WDR36: variants seen among roughly 807,000 people sequenced by gnomAD.
The protein encoded by WDR36 is WD repeat-containing protein 36.
WDR36 carries 63 observed loss-of-function variants against 112.7 expected under a neutral mutation model. The ratio of observed to expected loss-of-function variants is 0.56; its 90% CI spans 0.46 to 0.69. WDR36 has a LOEUF of 0.69. Among genes scored for constraint, WDR36 ranks in the 30% least tolerant of loss-of-function variants. The probability of loss-of-function intolerance (pLI) is 0.00; values close to 1 mark genes in which losing one functional copy is unlikely to be tolerated. For synonymous variants in WDR36, 410 were observed against 362.2 expected (o/e 1.13, Z -1.50); for missense variants, 1,226 against 1,070.3 (o/e 1.15, Z -2.03).
In WDR36 at chr5:111,105,308, T is replaced by C. The variant is rs1390461312; in HGVS notation, c.1041T>C (p.Thr347=). The C allele has an allele frequency of 6.2e-7, 1 of 1,610,032 alleles. No homozygotes were observed. Among genetic ancestry groups the C allele is most frequent in the South Asian group, 1.1e-5 (1 of 91,016 alleles). The change falls in exon 10 of 23, where the codon ACT becomes ACC. Residue 347 remains threonine, a synonymous_variant. Transcript: ENST00000513710. Reference sequence around the variant, plus strand: ...GTATATCAACAGGTCAAGATGGAACTCTTCAGTCATTTTCCACGGTACATG... The same window carrying C: ...GTATATCAACAGGTCAAGATGGAACCCTTCAGTCATTTTCCACGGTACATG... ...QQILSASQDG[T]LQSFSTVHEK...
intron 3 of WDR36, 87 bp from the exon 4 acceptor site, chr5:111,098,635 G>A: frequency 1.1e-6 from 1 of 910,642 alleles, no homozygotes; most frequent in Non-Finnish European, 1.8e-6. Context: ...AAGCATCTCA[G>A]GATTAGCATG....
chr5:111,110,583 A>G (rs745635242), intron 13 of WDR36, among the ~76,000 whole-genome samples: 2 of 151,494 alleles, frequency 1.3e-5, no homozygotes, highest in Non-Finnish European at 3.0e-5. Context: ...CCTATGTTGT[A>G]TCGATCTGAT....
chr5:111,107,169 TATCAG>T, intron 11 of WDR36, 120 bp from the exon 12 acceptor site: 2 of 1,047,042 alleles, frequency 1.9e-6, no homozygotes, highest in Non-Finnish European at 2.8e-6. Flanking sequence ...AACATATTGC[TATCAG>T]ATATTACCTG....
rs953477734 is a variant in WDR36, at chr5:111,106,022, A to G, written c.1094-35A>G. On this transcript the variant is annotated intron_variant, in intron 10 of 22. Coordinates refer to ENST00000513710, the MANE Select transcript of WDR36 (RefSeq NM_139281.3). ...ATACACTTTTTATTAAGAAGGATTC[A>G]TAGCTATGTATGTTCCCCTTTCCCC... 2.0e-6 allele frequency: 3 copies of G among 1,485,210 alleles called. No individual in the cohort carries two copies. In the African/African-American group the frequency reaches 4.2e-5, roughly 21 times the overall value. 92.0% of individuals were successfully genotyped at this position (1,485,210 alleles called of 1,614,324 possible).
At position 111,118,879 on chromosome 5, in the gene WDR36, C is replaced by T. The variant is rs778263527; in HGVS notation, c.1797-134C>T. The T allele has an allele frequency of 2.5e-4, 170 of 677,316 alleles. 1 individual carries two copies. The highest frequency in any genetic ancestry group is 3.9e-4 in the Non-Finnish European group (150 of 380,868). The allele number at this position is 677,316 out of a possible 1,614,324, so 42.0% of individuals were successfully genotyped here. On this transcript the variant is annotated intron_variant, in intron 16 of 22. Transcript: ENST00000513710. The stretch of plus-strand genomic sequence containing the variant: ...TGTTTATTAGTGGTGACTTTCTGAT[C>T]AATGCTGGTGATTAAAAAAAAGAAA...
In WDR36 at chr5:111,100,578, C is replaced by A. The variant is rs1753102452; in HGVS notation, c.410-11C>A. On this transcript the variant is annotated splice_polypyrimidine_tract_variant and intron_variant, in intron 4 of 22. Coordinates refer to ENST00000513710, the MANE Select transcript of WDR36 (RefSeq NM_139281.3). Reference sequence around the variant, plus strand: ...TTTTATAAAAAATATTTATAACTTTCACTTTTGTAGAAGAATACCTGCAGT... The same window carrying A: ...TTTTATAAAAAATATTTATAACTTTAACTTTTGTAGAAGAATACCTGCAGT... The A allele has an allele frequency of 1.3e-6, 2 of 1,502,196 alleles. No individual in the cohort carries two copies. The highest frequency in any genetic ancestry group is 2.4e-5 in the East Asian group (1 of 40,996). 93.1% of individuals were successfully genotyped at this position (1,502,196 alleles called of 1,614,324 possible).
intron 4 of WDR36, among the ~76,000 whole-genome samples, 200 bp downstream of exon 4, chr5:111,099,039 A>G (rs961094292): frequency 6.6e-6 from 1 of 152,194 alleles, no homozygotes; most frequent in East Asian, 1.9e-4. Flanking sequence ...CTACTTATAA[A>G]CTGTTTAATG....
chr5:111,127,207 C>T lies in WDR36; in HGVS notation c.*324C>T, dbSNP rs946335504. ...AGTTAAAAAAATAAATTACACCTGC[C>T]TTTTGTTTTGAAGACTTAAAGAATC... On this transcript the variant is annotated 3_prime_UTR_variant, in exon 23 of 23. Transcript: ENST00000513710. The T allele has an allele frequency of 1.2e-5, 3 of 241,812 alleles. No individual in the cohort carries two copies. The highest frequency in any genetic ancestry group is 2.2e-5 in the African/African-American group (1 of 45,206). The allele number at this position is 241,812 out of a possible 1,614,324, so 15.0% of individuals were successfully genotyped here.
intron 2 of WDR36, among the ~76,000 whole-genome samples, chr5:111,096,514 T>C (rs1015093001): frequency 6.6e-6 from 1 of 151,974 alleles, no homozygotes; most frequent in African/African-American, 2.4e-5. Context: ...GACCAGCCTG[T>C]CTAACATGGC....
intron 15 of WDR36, 77 bp from the exon 16 acceptor site, chr5:111,112,997 A>G (rs546127152): frequency 3.2e-6 from 1 of 311,432 alleles, no homozygotes; most frequent in Non-Finnish European, 5.1e-6. Flanking sequence ...ACATACACAC[A>G]TACATACAAA....
At position 111,113,052 on chromosome 5, in the gene WDR36, A is replaced by ATATATAT. The variant is rs35527062; in HGVS notation, c.1717-21_1717-20insATATATT. ...ATATAAATAATATATATATATATAT[A>ATATATAT]TTTTTTTTTTTTAATTTAAAGGCTT... On this transcript the variant is annotated intron_variant, in intron 15 of 22. Transcript: ENST00000513710. 1,298 of 473,056 alleles carry ATATATAT rather than the reference A, an allele frequency of 2.7e-3. 7 individuals are homozygous for ATATATAT. Among genetic ancestry groups the ATATATAT allele is most frequent in the Non-Finnish European group, 3.1e-3 (1,017 of 326,716 alleles). The allele number at this position is 473,056 out of a possible 1,614,324, so 29.3% of individuals were successfully genotyped here.
chr5:111,119,562 A>G (rs1478439024), intron 17 of WDR36, among the ~76,000 whole-genome samples: 2 of 152,160 alleles, frequency 1.3e-5, no homozygotes, highest in African/African-American at 4.8e-5. Flanking sequence ...CATGACTTTT[A>G]TAACCGTGTA....
chr5:111,103,122 T>A (rs1381714957), intron 6 of WDR36, among the ~76,000 whole-genome samples: 6 of 151,690 alleles, frequency 4.0e-5, no homozygotes, highest in African/African-American at 1.2e-4. Flanking sequence ...CTACACAGGG[T>A]CTCATGCATA....
At chr5:111,092,762 C>A in intron 1 of WDR36, 144 bp downstream of exon 1, 2 of 1,130,278 alleles carry the variant, frequency 1.8e-6, no homozygotes, top group Non-Finnish European at 2.6e-6. Context: ...ATTTCGCCAT[C>A]CGGTCACGTC....
chr5:111,118,986 C>T, intron 16 of WDR36, 27 bp from the exon 17 acceptor site: 2 of 1,570,362 alleles, frequency 1.3e-6, no homozygotes, highest in Non-Finnish European at 1.8e-6. Context: ...AGTTCAAATA[C>T]TTTTAACATG....
chr5:111,093,210 C>G (rs138660915), intron 1 of WDR36, among the ~76,000 whole-genome samples: 2 of 152,306 alleles, frequency 1.3e-5, no homozygotes, highest in African/African-American at 4.8e-5. Context: ...AAGTAAATTT[C>G]AGATAAATCA....
chr5:111,098,672 CATG>C (rs758480038), intron 3 of WDR36, 47 bp from the exon 4 acceptor site: 1 of 1,161,726 alleles, frequency 8.6e-7, no homozygotes, highest in South Asian at 1.2e-5. Context: ...AATAATATGA[CATG>C]ATGACTGAGT....
intron 12 of WDR36, among the ~76,000 whole-genome samples, chr5:111,108,504 C>G (rs1353126500): frequency 1.3e-5 from 2 of 151,164 alleles, no homozygotes; most frequent in African/African-American, 2.4e-5. Context: ...CAGTCTTAAG[C>G]TTTTATATAA....
rs1363874632 is a variant in WDR36, at chr5:111,127,918, GTTTTGTTTTT to G, written c.*1040_*1049del. 329 of 175,426 alleles carry G rather than the reference GTTTTGTTTTT, an allele frequency of 1.9e-3. No individual in the cohort carries two copies. Among genetic ancestry groups the G allele is most frequent in the South Asian group, 8.1e-3 (39 of 4,836 alleles). The allele number at this position is 175,426 out of a possible 1,614,324, so 10.9% of individuals were successfully genotyped here. On this transcript the variant is annotated 3_prime_UTR_variant, in exon 23 of 23. Transcript: ENST00000513710. ...GCCAGGGTTTTTTTTATTTTGTTTTGTTTTGTTTTTTTTTTTTTTTTTTTGGCTACACTTT... is the reference window on the plus strand; with the variant it reads ...GCCAGGGTTTTTTTTATTTTGTTTTGTTTTTTTTTTTTTTGGCTACACTTT...
Sources: gnomAD v4.1 joint callset for allele counts (sites outside exome capture counted in the v4.1 genomes callset) on GRCh38, gnomAD v4.1.1 for gene constraint, MANE v1.5 for transcripts, NCBI Gene and HGNC (gene_info 2026-07-23, HGNC 2026-07-21) for gene names.